The following THADA variants were observed in gnomAD, a reference collection of about 807,000 sequenced individuals.
The protein encoded by THADA is tRNA (32-2'-O)-methyltransferase regulator THADA.
A neutral mutation model predicts 219.8 loss-of-function variants in THADA; 213 were observed. The ratio of observed to expected loss-of-function variants is 0.97; its 90% CI spans 0.87 to 1.09. The LOEUF is 1.09. THADA is among the 50% of genes least tolerant of loss of function. The pLI, the probability that THADA is intolerant of heterozygous loss-of-function variation, is 0.00. For missense variants in THADA, 2,956 were observed against 2,311.3 expected (o/e 1.28, Z -5.72); for synonymous variants, 1,018 against 828.9 (o/e 1.23, Z -3.92).
At position 43,585,581 on chromosome 2, in the gene THADA, A is replaced by T. The variant is rs190155071; in HGVS notation, c.533+820T>A. ...ATAGATAGATAGATAGATAGATAGA[A>T]AGAAATACATAATTGCCCAGCCAAG... On this transcript the variant is annotated intron_variant, in intron 7 of 37. Coordinates refer to ENST00000405975, the MANE Select transcript of THADA (RefSeq NM_022065.5). Among the ~76,000 whole-genome samples the T allele has an allele frequency of 2.4e-4, 35 of 144,412 alleles. No individual in the cohort carries two copies. In the East Asian group the frequency reaches 2.9e-3, roughly 12 times the overall value. The allele number at this position is 144,412 out of a possible 152,430, so 94.7% of individuals were successfully genotyped here.
intron 24 of THADA, among the ~76,000 whole-genome samples, chr2:43,499,320 T>G (rs560989008): frequency 6.6e-6 from 1 of 152,202 alleles, no homozygotes; most frequent in Non-Finnish European, 1.5e-5. Context: ...TAATAACTTA[T>G]AGATTATGCT....
intron 35 of THADA, among the ~76,000 whole-genome samples, chr2:43,282,674 TG>T (rs1262998955): frequency 6.6e-6 from 1 of 152,220 alleles, no homozygotes; most frequent in Non-Finnish European, 1.5e-5. Context: ...CTGTAGAACC[TG>T]GGGTTTCCTT....
Position 43,578,536 on chromosome 2 carries a change from G to A in THADA, c.793C>T (p.Pro265Ser), listed in dbSNP as rs372665084. The A allele has an allele frequency of 1.9e-5, 31 of 1,611,414 alleles. No homozygotes were observed. The highest frequency in any genetic ancestry group is 2.4e-5 in the Non-Finnish European group (28 of 1,178,008). ...IILFIKTMFH[P>S]SEKIPHLISS... is the part of the protein sequence containing the mutation. ...ACCAAATGAGGAATCTTTTCAGACG[G>A]GTGAAACATAGTCTTAATAAAAAGA... Residue 265 changes from proline (P) to serine (S), a missense_variant, in exon 9 of 38, where the codon CCG becomes TCG. Pro to Ser is a moderately conservative substitution (Grantham distance 74, BLOSUM62 -1). Transcript: ENST00000405975.
intron 28 of THADA, among the ~76,000 whole-genome samples, chr2:43,413,826 T>C (rs1351786132): frequency 1.3e-5 from 2 of 152,224 alleles, no homozygotes; most frequent in Non-Finnish European, 2.9e-5. Flanking sequence ...ATGCTTTATA[T>C]GCAACAGCAA....
At chr2:43,252,912 A>G (rs892470136) in intron 36 of THADA, among the ~76,000 whole-genome samples, 4 of 152,110 alleles carry the variant, frequency 2.6e-5, no homozygotes, top group African/African-American at 9.7e-5. Context: ...TTTTCTTCCT[A>G]TTCTGGTGAC....
chr2:43,514,703 T>A (rs1484359538), intron 22 of THADA, among the ~76,000 whole-genome samples: 3 of 80,810 alleles, frequency 3.7e-5, no homozygotes, highest in Non-Finnish European at 6.3e-5. Context: ...ATATATATAA[T>A]ATATATATAA....
chr2:43,354,202 C>T (rs568658353), intron 29 of THADA, among the ~76,000 whole-genome samples: 4 of 151,932 alleles, frequency 2.6e-5, no homozygotes, highest in South Asian at 2.1e-4. Flanking sequence ...GTGATCCACC[C>T]GCCTTGGCCT....
rs77374926 is a variant in THADA at position 43,492,689 on chromosome 2, T to C, written c.3744+6144A>G. On this transcript the variant is annotated intron_variant, in intron 25 of 37. Coordinates refer to ENST00000405975, the MANE Select transcript of THADA (RefSeq NM_022065.5). ...TTCGCCTTCCATCACTTCTTAGCCA[T>C]GTGACCATGAAAAGACAGTTAAAAC... 7.1e-3 allele frequency among the ~76,000 whole-genome samples: 1,086 copies of C among 152,310 alleles called. 8 individuals carry two copies. Among genetic ancestry groups the C allele is most frequent in the Non-Finnish European group, 0.011 (752 of 68,020 alleles).
Position 43,557,987 on chromosome 2 carries a change from A to G in THADA, c.2464-1432T>C, listed in dbSNP as rs144640137. ...AGTAGTGGCCAAAGTTCAAGTTTAAATAAGTATTAGAAAGAACCAATTAAG... is the reference window on the plus strand; with the variant it reads ...AGTAGTGGCCAAAGTTCAAGTTTAAGTAAGTATTAGAAAGAACCAATTAAG... On this transcript the variant is annotated intron_variant, in intron 16 of 37. Coordinates refer to ENST00000405975, the MANE Select transcript of THADA (RefSeq NM_022065.5). 3.1e-3 allele frequency among the ~76,000 whole-genome samples: 469 copies of G among 152,366 alleles called. 2 individuals carry two copies. The highest frequency in any genetic ancestry group is 0.011 in the African/African-American group (447 of 41,600).
intron 26 of THADA, among the ~76,000 whole-genome samples, chr2:43,440,708 A>G (rs1160818741): frequency 1.3e-5 from 2 of 152,230 alleles, no homozygotes; most frequent in Non-Finnish European, 2.9e-5. Flanking sequence ...ATTAATTTCC[A>G]GAGAAATAAG....
In THADA at chr2:43,571,354, A is replaced by G. The variant is rs531271807; in HGVS notation, c.2064+353T>C. ...GCAACCTCCGCTCCTAGGTTCAAGC[A>G]ATTCTCCTGCTTCAGCCTCCCAAAT... On this transcript the variant is annotated intron_variant, in intron 13 of 37. Coordinates refer to ENST00000405975, the MANE Select transcript of THADA (RefSeq NM_022065.5). Among the ~76,000 whole-genome samples the G allele has an allele frequency of 2.6e-5, 4 of 151,238 alleles. No individual in the cohort carries two copies. In the East Asian group the frequency reaches 7.8e-4, roughly 29 times the overall value.
chr2:43,248,146 TATATATATATATATATATAGAG>T (rs1192950468), intron 36 of THADA, among the ~76,000 whole-genome samples: 8 of 88,490 alleles, frequency 9.0e-5, no homozygotes, highest in African/African-American at 3.4e-4. Flanking sequence ...TATATATATA[TATATATATATATATATATAGAG>T]AGAGAGAGAG....
At position 43,552,188 on chromosome 2, in the gene THADA, C is replaced by A; in HGVS notation, c.2810+16G>T. On this transcript the variant is annotated intron_variant, in intron 18 of 37. Coordinates refer to ENST00000405975, the MANE Select transcript of THADA (RefSeq NM_022065.5). ...AATGGATTTCTGAGACAGGAGGCAG[C>A]TGTGGAAATCCTTACTTTAGAGATA... 1.4e-5 allele frequency: 23 copies of A among 1,600,122 alleles called. No individual in the cohort carries two copies. Among genetic ancestry groups the A allele is most frequent in the Non-Finnish European group, 2.0e-5 (23 of 1,174,166 alleles).
At chr2:43,556,067 C>G in intron 17 of THADA, 4 of 668,892 alleles carry the variant, frequency 6.0e-6, no homozygotes, top group Non-Finnish European at 7.9e-6. Context: ...GGGAAAAAAG[C>G]ACACTTTTGG....
At chr2:43,543,018 T>TC (rs1466202028) in intron 20 of THADA, among the ~76,000 whole-genome samples, 1 of 62,342 alleles carries the variant, frequency 1.6e-5, no homozygotes, top group Admixed American at 2.2e-4. Flanking sequence ...CCCTCCCTCC[T>TC]CCCCCCTCCC....
intron 29 of THADA, among the ~76,000 whole-genome samples, chr2:43,374,025 C>A (rs1392965013): frequency 6.6e-6 from 1 of 152,108 alleles, no homozygotes; most frequent in African/African-American, 2.4e-5. Context: ...CAATCTCAAT[C>A]AAAAAACATT....
intron 36 of THADA, among the ~76,000 whole-genome samples, chr2:43,261,918 T>C (rs1670997929): frequency 1.3e-5 from 2 of 152,150 alleles, no homozygotes; most frequent in Non-Finnish European, 2.9e-5. Flanking sequence ...ATTACAGGCA[T>C]GAGCCACCGC....
At chr2:43,546,383 G>A (rs1328272603) in intron 20 of THADA, among the ~76,000 whole-genome samples, 1 of 152,106 alleles carries the variant, frequency 6.6e-6, no homozygotes, top group Non-Finnish European at 1.5e-5. Context: ...ATGTCTATTA[G>A]GTCCGCTTGG....
At chr2:43,591,125 C>A (rs771753802) in intron 3 of THADA, among the ~76,000 whole-genome samples, 171 bp from the exon 4 acceptor site, 1 of 152,030 alleles carries the variant, frequency 6.6e-6, no homozygotes, top group South Asian at 2.1e-4. Context: ...GAGTTCGAGA[C>A]AAGCTCGGGC....
Sources: gnomAD v4.1 joint callset for allele counts (sites outside exome capture counted in the v4.1 genomes callset) on GRCh38, gnomAD v4.1.1 for gene constraint, MANE v1.5 for transcripts, NCBI Gene and HGNC (gene_info 2026-07-23, HGNC 2026-07-21) for gene names.